SETD1A: variants seen among roughly 807,000 people sequenced by gnomAD.
The protein encoded by SETD1A is histone-lysine N-methyltransferase SETD1A.
A neutral mutation model predicts 149.9 loss-of-function variants in SETD1A; 29 were observed. The ratio of observed to expected loss-of-function variants is 0.19; its 90% CI spans 0.14 to 0.26. The LOEUF (loss-of-function observed/expected upper bound fraction) is 0.26, where lower values mean the gene tolerates loss of function less well. Among genes scored for constraint, SETD1A ranks in the 10% least tolerant of loss-of-function variants. The pLI, the probability that SETD1A is intolerant of heterozygous loss-of-function variation, is 1.00. For missense variants in SETD1A, 2,109 were observed against 2,353.1 expected, an observed-to-expected ratio of 0.90 and a Z score of 2.15; for synonymous variants, 1,141 against 968.5, an observed-to-expected ratio of 1.18 and a Z score of -3.31.
intron 10 of SETD1A, 55 bp from the exon 11 acceptor site, chr16:30,969,250 G>A: frequency 3.2e-6 from 5 of 1,560,276 alleles, no homozygotes; most frequent in Non-Finnish European, 3.5e-6. Flanking sequence ...CTTGCACAGG[G>A]CAAGTATCTT....
Position 30,979,409 on chromosome 16 carries a change from G to A in SETD1A, c.3623G>A (p.Arg1208His), listed in dbSNP as rs766833784. The A allele has an allele frequency of 9.9e-6, 16 of 1,611,126 alleles. No individual in the cohort carries two copies. Among genetic ancestry groups the A allele is most frequent in the East Asian group, 8.9e-5 (4 of 44,794 alleles). Residue 1208 changes from arginine (R) to histidine (H), a missense_variant, in exon 14 of 19, where the codon CGC (arginine) becomes CAC (histidine). Arg to His is a conservative substitution (Grantham distance 29). This residue lies in a region of SETD1A where 832 missense variants were observed against 815.6 expected (regional missense o/e 1.02). Transcript: ENST00000262519. ...CCCCGGGGCGTGGAGCGGACCATCC[G>A]CAACCTGCCCCTGGACCACGCATCT... ...KAPRGVERTI[R>H]NLPLDHASLV...
chr16:30,972,308 A>G (rs1486363353), intron 13 of SETD1A, among the ~76,000 whole-genome samples: 1 of 152,214 alleles, frequency 6.6e-6, no homozygotes, highest in Non-Finnish European at 1.5e-5. Flanking sequence ...CATCATGCTT[A>G]CAGTCTACAG....
rs1024564225 is a variant in SETD1A, at chr16:30,980,380, CCT to C, written c.4409-104_4409-103del. The C allele has an allele frequency of 3.4e-6, 5 of 1,477,258 alleles. No individual in the cohort carries two copies. The African/African-American group carries it at 5.6e-5, about 17-fold the overall frequency. 91.5% of individuals were successfully genotyped at this position (1,477,258 alleles called of 1,614,324 possible). A position where few individuals can be genotyped will look rare whatever the true frequency, so the allele number is the denominator to read the frequency against. On this transcript the variant is annotated intron_variant, in intron 14 of 18. Transcript: ENST00000262519. This position sits in a 1 kb window ranked among gnomAD's most constrained non-coding sequence, Gnocchi z 7.7. ...GAACGATGGGGCTGGGGCTTCCTCC[CCT>C]GTCCCTCACCTGGGTATGCTCAGCG...
chr16:30,966,526 G>C, intron 8 of SETD1A, 140 bp downstream of exon 8: 1 of 1,332,110 alleles, frequency 7.5e-7, no homozygotes, highest in Non-Finnish European at 1.0e-6. Context: ...AGGCCACCCT[G>C]GGTGGGCAGG....
At position 30,964,819 on chromosome 16, in the gene SETD1A, T is replaced by C; in HGVS notation, c.1077T>C (p.Phe359=). ...CCTCTTCCTCCTCGTCCTCTCAGTT[T>C]CGTAGTTCTGATGCAAACTACCCAG... ...SSSSSSSSSQ[F]RSSDANYPAY... The change falls in exon 7 of 19, where the codon TTT becomes TTC. Residue 359 remains phenylalanine, a synonymous_variant. Coordinates refer to ENST00000262519, the MANE Select transcript of SETD1A (RefSeq NM_014712.3). 1 of 1,614,216 alleles carries C rather than the reference T, an allele frequency of 6.2e-7. No homozygotes were observed. The highest frequency in any genetic ancestry group is 8.5e-7 in the Non-Finnish European group (1 of 1,180,020).
At chr16:30,959,038 C>T (rs1015368933) in intron 2 of SETD1A, 53 bp from the exon 3 acceptor site, 6 of 1,491,396 alleles carry the variant, frequency 4.0e-6, no homozygotes, top group African/African-American at 2.8e-5. Flanking sequence ...GCTTGGAGCT[C>T]CCTAGCCTGG....
At position 30,983,980 on chromosome 16, in the gene SETD1A, C is replaced by T. The variant is rs771469674; in HGVS notation, c.5081C>T (p.Pro1694Leu). The change falls in exon 19 of 19, where the codon CCG (proline) becomes CTG (leucine). Residue 1694 changes from proline to leucine, a missense_variant. Pro to Leu is a moderately conservative substitution (Grantham distance 98). This residue lies in a region of SETD1A where 254 missense variants were observed against 409.3 expected (regional missense o/e 0.62). Transcript: ENST00000262519. The surrounding 1 kb of genome is among the most constrained non-coding windows in gnomAD (Gnocchi z 6.8). ...YKFPLEDNKI[P>L]CLCGTESCRG... ...TTCCCACTGGAAGACAACAAGATCCCGTGTCTGTGTGGCACAGAGAGCTGC... is the reference window on the plus strand; with the variant it reads ...TTCCCACTGGAAGACAACAAGATCCTGTGTCTGTGTGGCACAGAGAGCTGC... The T allele has an allele frequency of 3.7e-6, 6 of 1,613,938 alleles. No homozygotes were observed. The highest frequency in any genetic ancestry group is 1.7e-6 in the Non-Finnish European group (2 of 1,179,978).
rs746970606 is a variant in SETD1A, at chr16:30,966,968, G to A, written c.2590G>A (p.Val864Met). ...KLKEPGLLSLVDWAKSGGTTG... is the reference protein window; with the variant it reads ...KLKEPGLLSLMDWAKSGGTTG... ...GAAGGAGCCTGGCCTGCTGTCCCTC[G>A]TGGACTGGGCCAAGAGCGGGGGCAC... The change falls in exon 9 of 19, where the codon GTG becomes ATG. Residue 864 changes from valine to methionine, a missense_variant. Physicochemically the swap from Val to Met is conservative, Grantham distance 21. This residue lies in a region of SETD1A where 832 missense variants were observed against 815.6 expected (regional missense o/e 1.02). Transcript: ENST00000262519. 3.8e-6 allele frequency: 6 copies of A among 1,589,506 alleles called. No individual in the cohort carries two copies. The highest frequency in any genetic ancestry group is 4.5e-5 in the East Asian group (2 of 43,992).
At chr16:30,959,487 A>G (rs2056017387) in intron 3 of SETD1A, among the ~76,000 whole-genome samples, 1 of 152,188 alleles carries the variant, frequency 6.6e-6, no homozygotes, top group Admixed American at 6.5e-5. Context: ...ATCATAGCAC[A>G]CAAGAGTGGG....
chr16:30,967,828 A>G (rs1257632509), intron 10 of SETD1A, among the ~76,000 whole-genome samples: 3 of 152,182 alleles, frequency 2.0e-5, no homozygotes, highest in Admixed American at 6.5e-5. Flanking sequence ...TTTTCCATCC[A>G]TGAAATTCAG....
Position 30,979,204 on chromosome 16 carries a change from C to A in SETD1A, c.3418C>A (p.Pro1140Thr). 6.4e-7 allele frequency: 1 copy of A among 1,574,734 alleles called. No homozygotes were observed. Among genetic ancestry groups the A allele is most frequent in the Non-Finnish European group, 8.6e-7 (1 of 1,156,786 alleles). ...PLRPPEPPAG[P>T]PAPAPRPDER... is the part of the protein sequence containing the mutation. ...GCGTCCCCCAGAACCACCTGCTGGG[C>A]CCCCGGCCCCTGCCCCACGCCCCGA... Residue 1140 changes from proline (P) to threonine (T), a missense_variant, in exon 14 of 19, where the codon CCC becomes ACC. Transcript: ENST00000262519.
intron 13 of SETD1A, among the ~76,000 whole-genome samples, chr16:30,974,517 G>A (rs2056261345): frequency 6.6e-6 from 1 of 152,184 alleles, no homozygotes; most frequent in Non-Finnish European, 1.5e-5. Flanking sequence ...GCTCTGCAAA[G>A]CAGGGAGTGG....
chr16:30,964,327 C>T lies in SETD1A; in HGVS notation c.869+4C>T, dbSNP rs1453557122. ...AGGACTCTGCCTACTCCAGCAGGTA[C>T]AGAGCAGACCCCGCCTGGGGCCCCG... On this transcript the variant is annotated splice_donor_region_variant and intron_variant, in intron 6 of 18. Transcript: ENST00000262519. The T allele has an allele frequency of 3.1e-6, 5 of 1,609,534 alleles. No individual in the cohort carries two copies. The highest frequency in any genetic ancestry group is 4.3e-6 in the Non-Finnish European group (5 of 1,176,458).
intron 17 of SETD1A, among the ~76,000 whole-genome samples, chr16:30,981,779 C>T (rs535892146): frequency 2.2e-4 from 34 of 152,248 alleles, no homozygotes; most frequent in East Asian, 3.9e-4. Flanking sequence ...TGCCAGACCC[C>T]GTTTCTGCAA....
At chr16:30,962,843 G>A (rs1349181926) in intron 4 of SETD1A, among the ~76,000 whole-genome samples, 1 of 152,202 alleles carries the variant, frequency 6.6e-6, no homozygotes, top group African/African-American at 2.4e-5. Context: ...TACTCGAGAG[G>A]CTGAGGCATG....
In SETD1A at chr16:30,984,412, CT is replaced by C. The variant is rs1358861811; in HGVS notation, c.*390del. 1 of 180,922 alleles carries C rather than the reference CT, an allele frequency of 5.5e-6. No individual in the cohort carries two copies. The allele number at this position is 180,922 out of a possible 1,614,324, so 11.2% of individuals were successfully genotyped here. ...GTACCCCTCCCCAGTTTAGGGGTCT[CT>C]GGGGCAGTGGCCATGTTCTCCCCCT... On this transcript the variant is annotated 3_prime_UTR_variant, in exon 19 of 19. Transcript: ENST00000262519.
chr16:30,979,431 A>C lies in SETD1A; in HGVS notation c.3645A>C (p.Ala1215=), dbSNP rs752917592. ...TCCGCAACCTGCCCCTGGACCACGC[A>C]TCTCTGGTCAAGAGTTGGCCCGAGG... is the stretch of plus-strand genomic sequence containing the variant. ...RTIRNLPLDH[A]SLVKSWPEEV... Residue 1215 remains alanine (A), a synonymous_variant, in exon 14 of 19, where the codon GCA becomes GCC. Coordinates refer to ENST00000262519, the MANE Select transcript of SETD1A (RefSeq NM_014712.3). 3.7e-6 allele frequency: 6 copies of C among 1,608,974 alleles called. No homozygotes were observed. The highest frequency in any genetic ancestry group is 5.1e-6 in the Non-Finnish European group (6 of 1,177,918).
chr16:30,972,735 T>G (rs1290545750), intron 13 of SETD1A, among the ~76,000 whole-genome samples: 1 of 150,068 alleles, frequency 6.7e-6, no homozygotes, highest in Non-Finnish European at 1.5e-5. Flanking sequence ...ACACCTGTGA[T>G]CCCAGCTGCT....
In SETD1A at chr16:30,961,521, C is replaced by A; in HGVS notation, c.501C>A (p.Ala167=). The change falls in exon 4 of 19, where the codon GCC becomes GCA. Residue 167 remains alanine, a synonymous_variant. Transcript: ENST00000262519. The surrounding 1 kb of genome is among the most constrained non-coding windows in gnomAD (Gnocchi z 4.0). The part of the protein sequence containing the change: ...LTSVMGNIIH[A]QLDIKGQQRM... ...CCGTCATGGGCAACATCATCCATGC[C>A]CAGCTTGACATCAAAGGTGAGGACT... 3 of 1,613,880 alleles carry A rather than the reference C, an allele frequency of 1.9e-6. No homozygotes were observed. The highest frequency in any genetic ancestry group is 2.5e-6 in the Non-Finnish European group (3 of 1,179,944).
Sources: allele counts gnomAD v4.1 joint callset (sites outside exome capture counted in the v4.1 genomes callset), GRCh38; gene constraint gnomAD v4.1.1; regional missense constraint gnomAD v4.1.1; non-coding constraint Gnocchi (gnomAD v3.1); transcripts MANE v1.5; gene names NCBI Gene and HGNC (gene_info 2026-07-23, HGNC 2026-07-21).